ESRRG: variants seen among roughly 807,000 people sequenced by gnomAD.
ESRRG encodes estrogen-related receptor gamma.
ESRRG carries 13 observed loss-of-function variants against 44.0 expected under a neutral mutation model. The observed-to-expected ratio is 0.30, with a 90% CI of 0.19 to 0.47. The LOEUF (loss-of-function observed/expected upper bound fraction) is 0.47. Ranked by LOEUF, ESRRG falls within the 20% of genes least tolerant of loss-of-function variation. The pLI is 1.00. For synonymous variants in ESRRG, 215 were observed against 214.6 expected, an observed-to-expected ratio of 1.00 and a Z score of -0.02; for missense variants, 395 against 580.6, an observed-to-expected ratio of 0.68 and a Z score of 3.29.
intron 2 of ESRRG, among the ~76,000 whole-genome samples, chr1:216,831,300 T>C (rs1388328553): frequency 2.0e-5 from 3 of 152,136 alleles, no homozygotes; most frequent in East Asian, 1.9e-4. Flanking sequence ...CATCACCTTA[T>C]TGCAAATTAT....
At chr1:216,825,434 A>G (rs1172270134) in intron 2 of ESRRG, among the ~76,000 whole-genome samples, 1 of 152,222 alleles carries the variant, frequency 6.6e-6, no homozygotes, top group Admixed American at 6.5e-5. Context: ...GCAGGCAAAG[A>G]TAAGGAGGTT....
intron 2 of ESRRG, among the ~76,000 whole-genome samples, chr1:216,906,723 G>T (rs1476194947): frequency 6.6e-6 from 1 of 152,180 alleles, no homozygotes; most frequent in South Asian, 2.1e-4. Flanking sequence ...AAGAGAGAAA[G>T]TAAAGAAAGA....
In ESRRG at chr1:216,863,453, A is replaced by G. The variant is rs555445500; in HGVS notation, c.-14+76129T>C. 18 of 152,270 alleles carry G rather than the reference A, an allele frequency of 1.2e-4. No individual in the cohort carries two copies. The South Asian group carries it at 3.7e-3, about 32-fold the overall frequency. 9.4% of individuals were successfully genotyped at this position (152,270 alleles called of 1,614,324 possible). ...CCTACTGAAAATTCCACAGTTTTCAAGTAGATCTCATACTACCTAGTTGCA... is the reference window on the plus strand; with the variant it reads ...CCTACTGAAAATTCCACAGTTTTCAGGTAGATCTCATACTACCTAGTTGCA... On this transcript the variant is annotated intron_variant, in intron 2 of 7. Transcript: ENST00000359162.
At chr1:216,782,189 C>T (rs1467723326) in intron 2 of ESRRG, among the ~76,000 whole-genome samples, 1 of 152,102 alleles carries the variant, frequency 6.6e-6, no homozygotes, top group Non-Finnish European at 1.5e-5. Flanking sequence ...AAGCAACACA[C>T]AAGAGCTCTT....
Position 216,721,325 on chromosome 1 carries a change from C to T in ESRRG, c.56+1919G>A, listed in dbSNP as rs548342911. 3.5e-3 allele frequency among the ~76,000 whole-genome samples: 526 copies of T among 152,274 alleles called. 1 individual carries two copies. Among genetic ancestry groups the T allele is most frequent in the Non-Finnish European group, 6.0e-3 (408 of 68,030 alleles). ...TATACACACACGTGATGGGGTTTAA[C>T]CCGGTACAATTACTATGAATATTAA... On this transcript the variant is annotated intron_variant, in intron 1 of 6. Coordinates refer to ENST00000408911, the MANE Select transcript of ESRRG (RefSeq NM_001438.4).
chr1:216,713,866 A>T (rs146998302), intron 1 of ESRRG, among the ~76,000 whole-genome samples: 91 of 152,306 alleles, frequency 6.0e-4, no homozygotes, highest in Middle Eastern at 3.4e-3. Context: ...AGAAGTGATT[A>T]TTCTTTTCTT....
chr1:216,684,948 G>A (rs1019410795), intron 1 of ESRRG, among the ~76,000 whole-genome samples: 7 of 152,144 alleles, frequency 4.6e-5, no homozygotes, highest in African/African-American at 1.4e-4. Context: ...ACTACATGAC[G>A]CCAATGGATC....
At chr1:216,707,044 C>T (rs1370996987) in intron 1 of ESRRG, among the ~76,000 whole-genome samples, 1 of 152,162 alleles carries the variant, frequency 6.6e-6, no homozygotes, top group African/African-American at 2.4e-5. Context: ...GTGAGATTAT[C>T]TCAAGATTAA....
At chr1:216,571,469 AAAAC>A (rs1008610575) in intron 3 of ESRRG, among the ~76,000 whole-genome samples, 31 of 152,018 alleles carry the variant, frequency 2.0e-4, no homozygotes, top group African/African-American at 7.0e-4. Context: ...AAACAAACAT[AAAAC>A]AAACAAACAA....
chr1:216,661,070 T>C (rs1448853391), intron 2 of ESRRG, among the ~76,000 whole-genome samples: 1 of 152,160 alleles, frequency 6.6e-6, no homozygotes, highest in Non-Finnish European at 1.5e-5. Flanking sequence ...ATGGAGAATA[T>C]AAATGTCTCT....
At chr1:216,908,166 C>T (rs2149548595) in intron 2 of ESRRG, among the ~76,000 whole-genome samples, 1 of 152,306 alleles carries the variant, frequency 6.6e-6, no homozygotes, top group Non-Finnish European at 1.5e-5. Context: ...TATAATCCAT[C>T]CTTGTCGGAA....
intron 2 of ESRRG, among the ~76,000 whole-genome samples, chr1:216,736,314 G>T (rs939538882): frequency 3.3e-5 from 5 of 150,944 alleles, no homozygotes; most frequent in African/African-American, 1.2e-4. Flanking sequence ...TCTCCGAGTA[G>T]CTGGGACTAC....
chr1:216,657,164 T>C (rs895446165), intron 2 of ESRRG, among the ~76,000 whole-genome samples: 4 of 152,202 alleles, frequency 2.6e-5, no homozygotes, highest in African/African-American at 9.7e-5. Context: ...TATTCTGTGC[T>C]CATTTCCACC....
chr1:216,832,938 A>G (rs576412969), intron 2 of ESRRG, among the ~76,000 whole-genome samples: 4 of 151,524 alleles, frequency 2.6e-5, no homozygotes, highest in Non-Finnish European at 5.9e-5. Context: ...TTGCGCCACC[A>G]CACTCCAGCC....
intron 1 of ESRRG, among the ~76,000 whole-genome samples, chr1:217,136,316 A>T (rs976093911): frequency 3.9e-4 from 60 of 152,348 alleles, no homozygotes; most frequent in African/African-American, 1.4e-3. Context: ...CCAGAATTTT[A>T]GATGGAAGTG....
chr1:216,984,899 A>T (rs1435077990), intron 1 of ESRRG, among the ~76,000 whole-genome samples: 1 of 152,214 alleles, frequency 6.6e-6, no homozygotes, highest in African/African-American at 2.4e-5. Context: ...GACATCAATG[A>T]CATTTTTTAC....
intron 2 of ESRRG, among the ~76,000 whole-genome samples, chr1:216,833,471 T>C (rs999199224): frequency 4.6e-5 from 7 of 152,192 alleles, no homozygotes; most frequent in East Asian, 1.9e-4. Context: ...TTGTAGGCTT[T>C]ATGGTATGTT....
intron 2 of ESRRG, among the ~76,000 whole-genome samples, chr1:216,914,103 C>A (rs1428215324): frequency 6.6e-6 from 1 of 151,256 alleles, no homozygotes; most frequent in Non-Finnish European, 1.5e-5. Flanking sequence ...CCCCCTCCCC[C>A]CATCCTTTTT....
intron 2 of ESRRG, among the ~76,000 whole-genome samples, chr1:216,915,445 G>A (rs1174062629): frequency 6.6e-6 from 1 of 152,100 alleles, no homozygotes; most frequent in Admixed American, 6.6e-5. Context: ...AGATGGGGTG[G>A]AGAGGAAGAA....
Sources: allele counts gnomAD v4.1 joint callset (sites outside exome capture counted in the v4.1 genomes callset), GRCh38; gene constraint gnomAD v4.1.1; transcripts MANE v1.5; gene names NCBI Gene and HGNC (gene_info 2026-07-23, HGNC 2026-07-21).